Variants in C6 observed in about 807,000 individuals in gnomAD.
The protein encoded by C6 is complement component C6.
A neutral mutation model predicts 112.9 loss-of-function variants in C6; 101 were observed. The ratio of observed to expected loss-of-function variants is 0.89; its 90% CI spans 0.76 to 1.06. The LOEUF (loss-of-function observed/expected upper bound fraction) is 1.06, where lower values mean the gene tolerates loss of function less well. Among genes scored for constraint, C6 ranks in the 50% least tolerant of loss-of-function variants. The probability of loss-of-function intolerance (pLI) is 0.00; values close to 1 mark genes in which losing one functional copy is unlikely to be tolerated. For synonymous variants in C6, 431 were observed against 384.1 expected (o/e 1.12, Z -1.43); for missense variants, 1,202 against 1,104.6 (o/e 1.09, Z -1.25).
At chr5:41,233,890 A>T (rs1740064147) in intron 1 of C6, among the ~76,000 whole-genome samples, 1 of 152,056 alleles carries the variant, frequency 6.6e-6, no homozygotes. Context: ...AAAAGTTTTT[A>T]TTATTTTCTT....
intron 6 of C6, among the ~76,000 whole-genome samples, chr5:41,185,544 C>T (rs17201103): frequency 0.23 from 35,209 of 152,098 alleles, 4,997 homozygotes; most frequent in Non-Finnish European, 0.32. Context: ...AGGTAGTATG[C>T]TGCTCATTAT....
intron 7 of C6, among the ~76,000 whole-genome samples, chr5:41,178,058 G>A (rs1045786628): frequency 4.6e-5 from 7 of 151,982 alleles, no homozygotes; most frequent in Non-Finnish European, 8.8e-5. Flanking sequence ...TTAAACTTTG[G>A]TAGCTCAACT....
At chr5:41,163,262 T>C (rs1209014869) in intron 9 of C6, among the ~76,000 whole-genome samples, 1 of 151,390 alleles carries the variant, frequency 6.6e-6, no homozygotes. Context: ...ACCAAAAGCA[T>C]GTCAAAAATT....
chr5:41,143,942 C>T (rs555879132), intron 17 of C6, among the ~76,000 whole-genome samples: 4 of 152,148 alleles, frequency 2.6e-5, no homozygotes, highest in Admixed American at 6.5e-5. Context: ...TTGAGTATAT[C>T]AAATTAATTT....
chr5:41,158,095 G>C (rs1288258292), intron 13 of C6, among the ~76,000 whole-genome samples: 1 of 152,050 alleles, frequency 6.6e-6, no homozygotes, highest in African/African-American at 2.4e-5. Context: ...ATCACTTTTA[G>C]ATATCATGTA....
chr5:41,257,663 C>T (rs1741803495), intron 1 of C6, among the ~76,000 whole-genome samples: 1 of 152,076 alleles, frequency 6.6e-6, no homozygotes, highest in Admixed American at 6.6e-5. Context: ...GAATAGAAAG[C>T]CACAAACAAC....
At chr5:41,147,396 G>A (rs905588497) in intron 17 of C6, among the ~76,000 whole-genome samples, 13 of 152,126 alleles carry the variant, frequency 8.5e-5, no homozygotes, top group African/African-American at 2.7e-4. Context: ...CCCAGATACT[G>A]GCATCCTGAG....
At chr5:41,246,930 G>C (rs1002793250) in intron 1 of C6, among the ~76,000 whole-genome samples, 1 of 152,068 alleles carries the variant, frequency 6.6e-6, no homozygotes, top group Non-Finnish European at 1.5e-5. Context: ...AATTTATATG[G>C]TTATAAAATC....
chr5:41,195,641 C>T (rs1394212704), intron 5 of C6, 151 bp downstream of exon 5: 18 of 863,202 alleles, frequency 2.1e-5, no homozygotes, highest in South Asian at 1.9e-4. Context: ...CCACATACCT[C>T]CTGAACATGG....
intron 1 of C6, among the ~76,000 whole-genome samples, chr5:41,227,643 T>C (rs1485833469): frequency 4.6e-5 from 7 of 152,156 alleles, no homozygotes; most frequent in African/African-American, 1.7e-4. Flanking sequence ...TCAGTTGATT[T>C]TTGTATACAA....
chr5:41,163,843 A>G (rs553445956), intron 9 of C6, among the ~76,000 whole-genome samples: 16 of 152,328 alleles, frequency 1.1e-4, no homozygotes, highest in South Asian at 2.1e-4. Flanking sequence ...CTGAAGTCCA[A>G]TGATTTAACT....
At chr5:41,237,712 T>G (rs1488667075) in intron 1 of C6, among the ~76,000 whole-genome samples, 4 of 44,832 alleles carry the variant, frequency 8.9e-5, no homozygotes, top group Non-Finnish European at 1.3e-4. Context: ...AACATAGTGT[T>G]GGAAGTTCTG....
intron 1 of C6, chr5:41,213,070 C>T (rs1456007848): frequency 3.3e-5 from 5 of 152,120 alleles, no homozygotes; most frequent in South Asian, 4.1e-4. Flanking sequence ...CCTTTACTAT[C>T]GCCAAGGTAA....
At chr5:41,159,299 A>G in intron 11 of C6, 46 bp from the exon 12 acceptor site, 1 of 1,600,878 alleles carries the variant, frequency 6.2e-7, no homozygotes, top group South Asian at 1.1e-5. Flanking sequence ...GTGCAGCTGA[A>G]TTTGGGTTTG....
chr5:41,166,657 G>A (rs1748001065), intron 9 of C6, among the ~76,000 whole-genome samples: 1 of 152,080 alleles, frequency 6.6e-6, no homozygotes, highest in South Asian at 2.1e-4. Flanking sequence ...GAAATAGAAA[G>A]TAAACATAAT....
At chr5:41,181,619 A>G in intron 6 of C6, 60 bp from the exon 7 acceptor site, 1 of 1,296,700 alleles carries the variant, frequency 7.7e-7, no homozygotes, top group Middle Eastern at 1.8e-4. Flanking sequence ...CGACTTGTGG[A>G]TATCTAATGA....
chr5:41,148,361 G>C (rs1002587045), intron 17 of C6, among the ~76,000 whole-genome samples: 1 of 152,184 alleles, frequency 6.6e-6, no homozygotes, highest in Non-Finnish European at 1.5e-5. Context: ...AACATGTAGA[G>C]TATGCTCCGA....
chr5:41,261,201 C>T (rs575009282), exon 1 of C6: 1 of 985,718 alleles, frequency 1.0e-6, no homozygotes, highest in African/African-American at 1.7e-5. Context: ...TACTATGCAT[C>T]TATGACTTGA....
chr5:41,220,408 C>T (rs1308684998), intron 1 of C6, among the ~76,000 whole-genome samples: 3 of 152,080 alleles, frequency 2.0e-5, no homozygotes, highest in African/African-American at 7.2e-5. Context: ...ACTTGTTTTA[C>T]CTTGTTCTTT....
Sources: gnomAD v4.1 joint callset for allele counts (sites outside exome capture counted in the v4.1 genomes callset) on GRCh38, gnomAD v4.1.1 for gene constraint, MANE v1.5 for transcripts, NCBI Gene and HGNC (gene_info 2026-07-23, HGNC 2026-07-21) for gene names.